The following IPCEF1 variants were observed in gnomAD, a reference collection of about 807,000 sequenced individuals.
IPCEF1 encodes the protein interaction protein for cytohesin exchange factors 1, also known as interactor protein for cytohesin exchange factors 1.
Under a neutral mutation model 50.9 loss-of-function variants are expected in IPCEF1, and 31 were observed. The observed-to-expected ratio is 0.61, with a 90% CI of 0.46 to 0.82. The LOEUF is 0.82. Among genes scored for constraint, IPCEF1 ranks in the 40% least tolerant of loss-of-function variants. The probability of loss-of-function intolerance (pLI) is 0.00; values close to 1 mark genes in which losing one functional copy is unlikely to be tolerated. For missense variants in IPCEF1, 458 were observed against 514.0 expected, an observed-to-expected ratio of 0.89 and a Z score of 1.05; for synonymous variants, 181 against 192.0, an observed-to-expected ratio of 0.94 and a Z score of 0.47.
intron 3 of IPCEF1, among the ~76,000 whole-genome samples, chr6:154,259,132 A>T (rs1424325535): frequency 6.6e-6 from 1 of 151,946 alleles, no homozygotes; most frequent in African/African-American, 2.4e-5. Flanking sequence ...TACCTTTCTC[A>T]CTCCCAAAGA....
chr6:154,282,146 G>T (rs1782232325), intron 2 of IPCEF1, among the ~76,000 whole-genome samples: 1 of 152,134 alleles, frequency 6.6e-6, no homozygotes, highest in African/African-American at 2.4e-5. Flanking sequence ...TCCAGCCTGG[G>T]TGACAGAGCA....
intron 9 of IPCEF1, among the ~76,000 whole-genome samples, chr6:154,202,223 T>G (rs78840385): frequency 0.028 from 4,239 of 152,260 alleles, 203 homozygotes; most frequent in African/African-American, 0.097. Context: ...ACATATCTTC[T>G]CAATAATCAT....
chr6:154,288,676 C>CAAAAAAAAAAAAAAAAAAAAAAAAA (rs558703057), intron 2 of IPCEF1, among the ~76,000 whole-genome samples: 3 of 46,882 alleles, frequency 6.4e-5, no homozygotes, highest in African/African-American at 6.3e-5. Context: ...ACAAAAAAAA[C>CAAAAAAAAAAAAAAAAAAAAAAAAA]AAAAAAAAAA....
chr6:154,265,382 G>A (rs775752289), intron 3 of IPCEF1, among the ~76,000 whole-genome samples: 4 of 151,946 alleles, frequency 2.6e-5, no homozygotes, highest in Non-Finnish European at 4.4e-5. Flanking sequence ...CCAGGTTCAA[G>A]TGATTCTCCT....
At chr6:154,166,504 A>C (rs187156540) in intron 11 of IPCEF1, among the ~76,000 whole-genome samples, 1 of 152,208 alleles carries the variant, frequency 6.6e-6, no homozygotes, top group Admixed American at 6.5e-5. Context: ...CTTGGTATTC[A>C]TTTCTTCCTG....
At chr6:154,331,606 C>A (rs560336440) in intron 1 of IPCEF1, among the ~76,000 whole-genome samples, 4 of 152,104 alleles carry the variant, frequency 2.6e-5, no homozygotes, top group African/African-American at 9.7e-5. Context: ...AGAAAACACC[C>A]GAAGCTGGTG....
intron 1 of IPCEF1, among the ~76,000 whole-genome samples, chr6:154,310,214 A>C (rs1783045881): frequency 6.6e-6 from 1 of 152,244 alleles, no homozygotes; most frequent in South Asian, 2.1e-4. Flanking sequence ...CCCACATCAA[A>C]ACTGCCAGGC....
chr6:154,352,562 T>C (rs1784135791), intron 1 of IPCEF1, among the ~76,000 whole-genome samples: 1 of 152,256 alleles, frequency 6.6e-6, no homozygotes, highest in African/African-American at 2.4e-5. Context: ...GGGAGACCTG[T>C]CTTTGCTCAC....
At chr6:154,247,755 C>G (rs1781177641) in intron 3 of IPCEF1, 1 of 372,922 alleles carries the variant, frequency 2.7e-6, no homozygotes, top group African/African-American at 2.1e-5. Flanking sequence ...AAGCCGCTCT[C>G]ACTACTACTT....
chr6:154,288,850 G>A (rs540775568), intron 2 of IPCEF1, among the ~76,000 whole-genome samples: 1 of 152,228 alleles, frequency 6.6e-6, no homozygotes, highest in African/African-American at 2.4e-5. Flanking sequence ...GATCACTTGA[G>A]GCCAGGAGTG....
intron 2 of IPCEF1, among the ~76,000 whole-genome samples, chr6:154,275,033 A>G: frequency 6.6e-6 from 1 of 152,056 alleles, no homozygotes; most frequent in East Asian, 1.9e-4. Flanking sequence ...GCATATTTTC[A>G]CCTACCCCTC....
At chr6:154,260,589 T>C (rs531059318) in intron 3 of IPCEF1, among the ~76,000 whole-genome samples, 18 of 152,074 alleles carry the variant, frequency 1.2e-4, no homozygotes, top group Non-Finnish European at 2.6e-4. Flanking sequence ...TCTCCTGCCT[T>C]AGCCTCCTGA....
At chr6:154,257,867 T>G (rs982422660) in intron 3 of IPCEF1, among the ~76,000 whole-genome samples, 1 of 152,150 alleles carries the variant, frequency 6.6e-6, no homozygotes, top group Non-Finnish European at 1.5e-5. Flanking sequence ...GACATCTGGC[T>G]AATTTTTTAT....
intron 3 of IPCEF1, among the ~76,000 whole-genome samples, chr6:154,261,083 T>C (rs1261366958): frequency 2.0e-5 from 3 of 152,112 alleles, no homozygotes. Context: ...TCTTGCTCTG[T>C]AGCCAAGACT....
chr6:154,228,455 T>G (rs1207088450), intron 5 of IPCEF1, among the ~76,000 whole-genome samples: 7 of 152,236 alleles, frequency 4.6e-5, no homozygotes, highest in Non-Finnish European at 8.8e-5. Context: ...AATCTAGTCT[T>G]AAATTCAGAA....
chr6:154,247,591 G>T lies in IPCEF1; in HGVS notation c.37-103C>A, dbSNP rs893473695. On this transcript the variant is annotated intron_variant, in intron 3 of 11. Coordinates refer to ENST00000367220, the MANE Select transcript of IPCEF1 (RefSeq NM_001130700.2). The stretch of plus-strand genomic sequence containing the variant: ...GGTGGCAGTGTTTATGAGCAGGATG[G>T]AATCTAAAAAAAAACTCTCCAGGCA... 5 of 933,254 alleles carry T rather than the reference G, an allele frequency of 5.4e-6. No individual in the cohort carries two copies. The South Asian group carries it at 7.9e-5, about 15-fold the overall frequency. The allele number at this position is 933,254 out of a possible 1,614,324, so 57.8% of individuals were successfully genotyped here.
chr6:154,302,120 C>T (rs1782811442), intron 1 of IPCEF1, among the ~76,000 whole-genome samples: 2 of 152,212 alleles, frequency 1.3e-5, no homozygotes, highest in Admixed American at 1.3e-4. Flanking sequence ...TCATTGCTCA[C>T]ATTTGTGGAT....
intron 10 of IPCEF1, among the ~76,000 whole-genome samples, chr6:154,195,492 G>A (rs1287440673): frequency 1.3e-5 from 2 of 152,072 alleles, no homozygotes; most frequent in Non-Finnish European, 2.9e-5. Flanking sequence ...TCACCCTGAT[G>A]AGAAATGGTC....
intron 1 of IPCEF1, among the ~76,000 whole-genome samples, chr6:154,335,263 G>C (rs953013194): frequency 1.3e-5 from 2 of 152,106 alleles, no homozygotes; most frequent in African/African-American, 4.8e-5. Context: ...ATTCTCCCTA[G>C]TAATTCCCTC....
Sources: allele counts gnomAD v4.1 joint callset (sites outside exome capture counted in the v4.1 genomes callset), GRCh38; gene constraint gnomAD v4.1.1; transcripts MANE v1.5; gene names NCBI Gene and HGNC (gene_info 2026-07-23, HGNC 2026-07-21).